The following EXOC4 variants were observed in gnomAD, a reference collection of about 807,000 sequenced individuals.
EXOC4 encodes the protein exocyst complex component 4, also known as SEC8-like 1.
In EXOC4, 71 loss-of-function variants were observed where a neutral mutation model predicts 107.2. The observed-to-expected ratio is 0.66, with a 90% CI of 0.55 to 0.81. EXOC4 has a LOEUF of 0.81. EXOC4 is among the 30% of genes least tolerant of loss of function. EXOC4 has a pLI of 0.00. For synonymous variants in EXOC4, 456 were observed against 441.2 expected (o/e 1.03, Z -0.42); for missense variants, 1,108 against 1,189.6 (o/e 0.93, Z 1.01).
intron 9 of EXOC4, among the ~76,000 whole-genome samples, chr7:133,592,464 G>C (rs1801572055): frequency 6.6e-6 from 1 of 152,070 alleles, no homozygotes; most frequent in South Asian, 2.1e-4. Flanking sequence ...TTATTTTTGA[G>C]ACAAATTTCA....
chr7:133,374,277 C>T (rs1016305739), intron 6 of EXOC4, among the ~76,000 whole-genome samples: 1 of 151,856 alleles, frequency 6.6e-6, no homozygotes, highest in Non-Finnish European at 1.5e-5. Flanking sequence ...GAGCTTCTCC[C>T]TGTGGTGAAA....
At chr7:133,897,569 G>GA (rs1420213489) in intron 12 of EXOC4, among the ~76,000 whole-genome samples, 1 of 151,950 alleles carries the variant, frequency 6.6e-6, no homozygotes, top group East Asian at 1.9e-4. Flanking sequence ...GTGAGGAAAT[G>GA]AAATAGAAAT....
intron 11 of EXOC4, among the ~76,000 whole-genome samples, chr7:133,886,486 T>C (rs1276603779): frequency 6.6e-6 from 1 of 152,158 alleles, no homozygotes; most frequent in Non-Finnish European, 1.5e-5. Context: ...TAATAAACTT[T>C]AGGTATTTAT....
At chr7:133,595,942 C>T (rs756165788) in intron 9 of EXOC4, among the ~76,000 whole-genome samples, 2 of 152,178 alleles carry the variant, frequency 1.3e-5, no homozygotes, top group Non-Finnish European at 2.9e-5. Context: ...CAGATTCTGG[C>T]ACCCCTGTCT....
At chr7:133,851,031 G>A (rs1390564328) in intron 11 of EXOC4, among the ~76,000 whole-genome samples, 1 of 152,112 alleles carries the variant, frequency 6.6e-6, no homozygotes, top group Non-Finnish European at 1.5e-5. Context: ...AATGTCCAGT[G>A]TCCCTCTCAA....
chr7:133,551,854 G>T (rs890167303), intron 9 of EXOC4: 1 of 152,124 alleles, frequency 6.6e-6, no homozygotes, highest in African/African-American at 2.4e-5. Context: ...GAAAAAAAAA[G>T]ATTGATTAGA....
chr7:133,617,066 T>C (rs969133449), intron 9 of EXOC4, among the ~76,000 whole-genome samples: 3 of 152,198 alleles, frequency 2.0e-5, no homozygotes, highest in African/African-American at 7.2e-5. Context: ...TTTGTTTTCC[T>C]AATATCTGAT....
chr7:133,811,995 C>T (rs944473352), intron 10 of EXOC4, among the ~76,000 whole-genome samples: 1 of 152,120 alleles, frequency 6.6e-6, no homozygotes, highest in Non-Finnish European at 1.5e-5. Flanking sequence ...AAGGATTCAG[C>T]AGTTAGCAAT....
intron 10 of EXOC4, among the ~76,000 whole-genome samples, chr7:133,663,209 G>T (rs997700632): frequency 6.6e-6 from 1 of 152,004 alleles, no homozygotes; most frequent in Non-Finnish European, 1.5e-5. Flanking sequence ...TAGCTGCCAG[G>T]ATACGCGCTC....
intron 4 of EXOC4, among the ~76,000 whole-genome samples, chr7:133,313,111 A>G (rs547108668): frequency 7.4e-6 from 1 of 135,154 alleles, no homozygotes; most frequent in South Asian, 2.4e-4. Context: ...CTGTTTACAT[A>G]TGTTGGTTTT....
intron 9 of EXOC4, among the ~76,000 whole-genome samples, chr7:133,556,932 GCGTCCCT>G (rs1183072306): frequency 2.0e-5 from 3 of 152,190 alleles, no homozygotes; most frequent in African/African-American, 7.2e-5. Context: ...AATCCTTTCT[GCGTCCCT>G]CTGTTTCAGT....
At chr7:133,536,973 A>G (rs540648173) in intron 9 of EXOC4, among the ~76,000 whole-genome samples, 1 of 152,276 alleles carries the variant, frequency 6.6e-6, no homozygotes, top group African/African-American at 2.4e-5. Flanking sequence ...CTATGTCTAG[A>G]TACAGTGAAG....
At chr7:134,092,873 A>C in the EXOC4 span, among the ~76,000 whole-genome samples, 1 of 149,226 alleles carries the variant, frequency 6.7e-6, no homozygotes, top group East Asian at 2.0e-4. Flanking sequence ...CAGTGAGCCA[A>C]GATCACGCCA....
intron 11 of EXOC4, among the ~76,000 whole-genome samples, chr7:133,820,348 A>C (rs7781266): frequency 0.85 from 128,955 of 151,808 alleles, 55,361 homozygotes; most frequent in African/African-American, 0.96. Context: ...ATTTTCCTGC[A>C]TTATAGTGAT....
At chr7:133,958,678 A>G (rs1340416155) in intron 14 of EXOC4, among the ~76,000 whole-genome samples, 4 of 152,226 alleles carry the variant, frequency 2.6e-5, no homozygotes, top group Non-Finnish European at 5.9e-5. Context: ...GGAAATGAAG[A>G]TAAGGCTAAA....
At chr7:133,632,295 A>T (rs906965803) in intron 10 of EXOC4, among the ~76,000 whole-genome samples, 3 of 152,164 alleles carry the variant, frequency 2.0e-5, no homozygotes, top group Admixed American at 2.0e-4. Context: ...TTAACTTACT[A>T]GTGATTAAAA....
At chr7:133,808,858 G>A (rs1238159105) in intron 10 of EXOC4, among the ~76,000 whole-genome samples, 2 of 152,110 alleles carry the variant, frequency 1.3e-5, no homozygotes, top group African/African-American at 4.8e-5. Context: ...GTGGTGTGCA[G>A]AAAGTGTCAT....
intron 9 of EXOC4, among the ~76,000 whole-genome samples, chr7:133,619,068 T>C (rs1273542561): frequency 2.7e-5 from 4 of 150,426 alleles, no homozygotes; most frequent in Non-Finnish European, 5.9e-5. Context: ...ACAGCAACTA[T>C]AGGTTTGCTG....
intron 10 of EXOC4, among the ~76,000 whole-genome samples, chr7:133,802,156 G>T (rs1477773860): frequency 1.3e-5 from 2 of 152,154 alleles, no homozygotes; most frequent in African/African-American, 4.8e-5. Context: ...GGACTAATTA[G>T]GAACCAGATC....
Sources: gnomAD v4.1 joint callset for allele counts (sites outside exome capture counted in the v4.1 genomes callset) on GRCh38, gnomAD v4.1.1 for gene constraint, MANE v1.5 for transcripts, NCBI Gene and HGNC (gene_info 2026-07-23, HGNC 2026-07-21) for gene names.